Variants in SCAPER observed in about 807,000 individuals in gnomAD.
SCAPER encodes the protein S-phase cyclin A associated protein in the ER, also known as S phase cyclin A-associated protein in the endoplasmic reticulum.
A neutral mutation model predicts 182.2 loss-of-function variants in SCAPER; 98 were observed. The observed-to-expected ratio is 0.54, with a 90% CI of 0.46 to 0.64. The LOEUF (loss-of-function observed/expected upper bound fraction) is 0.64, where lower values mean the gene tolerates loss of function less well. Among genes scored for constraint, SCAPER ranks in the 30% least tolerant of loss-of-function variants. The probability of loss-of-function intolerance (pLI) is 0.00; values close to 1 mark genes in which losing one functional copy is unlikely to be tolerated. For synonymous variants in SCAPER, 605 were observed against 564.6 expected (o/e 1.07, Z -1.01); for missense variants, 1,432 against 1,690.0 (o/e 0.85, Z 2.68).
At chr15:76,764,892 C>G in intron 14 of SCAPER, 69 bp downstream of exon 14, 2 of 833,060 alleles carry the variant, frequency 2.4e-6, no homozygotes, top group Non-Finnish European at 3.7e-6. Context: ...TCTCTCAGAC[C>G]AGAAGTAGAG....
At chr15:76,738,495 G>T (rs886094816) in intron 15 of SCAPER, among the ~76,000 whole-genome samples, 2 of 149,760 alleles carry the variant, frequency 1.3e-5, no homozygotes, top group Admixed American at 1.3e-4. Context: ...CCGACATCAC[G>T]CCACTGCACT....
intron 9 of SCAPER, among the ~76,000 whole-genome samples, chr15:76,773,144 A>G (rs993682869): frequency 2.6e-5 from 4 of 151,810 alleles, no homozygotes; most frequent in Non-Finnish European, 5.9e-5. Context: ...TGTGTACACT[A>G]CTCAATCCCA....
intron 24 of SCAPER, among the ~76,000 whole-genome samples, chr15:76,477,760 C>T (rs954102413): frequency 2.0e-5 from 3 of 151,894 alleles, no homozygotes; most frequent in Non-Finnish European, 4.4e-5. Context: ...GATTTTTTCC[C>T]GTGTTTATTT....
chr15:76,589,507 C>T (rs2048946972), intron 22 of SCAPER, among the ~76,000 whole-genome samples: 1 of 152,100 alleles, frequency 6.6e-6, no homozygotes, highest in Non-Finnish European at 1.5e-5. Context: ...TCCCATGCAA[C>T]CCAAAAGGCT....
At chr15:76,366,086 T>TACACACACAC (rs59741618) in intron 29 of SCAPER, among the ~76,000 whole-genome samples, 40 of 149,540 alleles carry the variant, frequency 2.7e-4, no homozygotes, top group African/African-American at 8.2e-4. Flanking sequence ...CTTACACACT[T>TACACACACAC]ACACACACAC....
At chr15:76,486,844 T>C (rs193054126) in intron 24 of SCAPER, among the ~76,000 whole-genome samples, 1 of 152,300 alleles carries the variant, frequency 6.6e-6, no homozygotes, top group Admixed American at 6.5e-5. Flanking sequence ...CTATTGGATA[T>C]ACACTCAAAG....
intron 8 of SCAPER, among the ~76,000 whole-genome samples, chr15:76,779,411 A>G (rs1174837157): frequency 6.6e-6 from 1 of 152,214 alleles, no homozygotes; most frequent in Non-Finnish European, 1.5e-5. Flanking sequence ...AAGGAATACT[A>G]CAAACAACTT....
At chr15:76,854,252 A>T (rs1030916940) in intron 4 of SCAPER, among the ~76,000 whole-genome samples, 2 of 151,982 alleles carry the variant, frequency 1.3e-5, no homozygotes, top group Non-Finnish European at 2.9e-5. Flanking sequence ...CTGGCAATAG[A>T]GCAAGACTCC....
chr15:76,685,505 AAACT>A (rs1316357524), intron 20 of SCAPER, among the ~76,000 whole-genome samples: 14 of 152,092 alleles, frequency 9.2e-5, no homozygotes, highest in Non-Finnish European at 1.3e-4. Flanking sequence ...ATAGAGCAAC[AAACT>A]AACAGGTAAA....
At chr15:76,609,486 T>A (rs959412594) in intron 22 of SCAPER, among the ~76,000 whole-genome samples, 3 of 152,058 alleles carry the variant, frequency 2.0e-5, no homozygotes, top group Non-Finnish European at 1.5e-5. Flanking sequence ...GACCTTTGAT[T>A]AAAAGGTGTC....
chr15:76,823,422 T>C (rs1370262331), intron 5 of SCAPER, among the ~76,000 whole-genome samples: 1 of 151,680 alleles, frequency 6.6e-6, no homozygotes, highest in Non-Finnish European at 1.5e-5. Flanking sequence ...ATCACACCAC[T>C]GCACTCCAGC....
At chr15:76,603,979 G>T (rs2050130904) in intron 22 of SCAPER, among the ~76,000 whole-genome samples, 1 of 118,278 alleles carries the variant, frequency 8.5e-6, no homozygotes, top group Admixed American at 9.5e-5. Flanking sequence ...TAGGTTGCCT[G>T]TTCAGTCTGA....
chr15:76,406,434 T>C (rs1478914320), intron 26 of SCAPER, among the ~76,000 whole-genome samples: 1 of 151,908 alleles, frequency 6.6e-6, no homozygotes, highest in African/African-American at 2.4e-5. Context: ...GCCAAGATCA[T>C]GCCATTGTAC....
chr15:76,461,320 T>C (rs1289542344), intron 25 of SCAPER, among the ~76,000 whole-genome samples: 1 of 146,218 alleles, frequency 6.8e-6, no homozygotes, highest in Non-Finnish European at 1.5e-5. Context: ...GTGAAGTTAC[T>C]ATTACCCAAC....
intron 23 of SCAPER, among the ~76,000 whole-genome samples, chr15:76,505,908 C>T (rs2041534248): frequency 6.6e-6 from 1 of 152,130 alleles, no homozygotes. Flanking sequence ...GAGTACTATT[C>T]AGCCATAAAA....
intron 27 of SCAPER, among the ~76,000 whole-genome samples, chr15:76,387,555 G>A (rs1481885457): frequency 6.6e-6 from 1 of 152,232 alleles, no homozygotes; most frequent in Non-Finnish European, 1.5e-5. Context: ...TTATTCTAGT[G>A]AGTCTAGAGT....
intron 27 of SCAPER, among the ~76,000 whole-genome samples, chr15:76,392,289 G>T (rs574844117): frequency 1.3e-5 from 2 of 152,236 alleles, no homozygotes; most frequent in Middle Eastern, 3.4e-3. Flanking sequence ...AACAAAATGT[G>T]TTATAATGAA....
intron 2 of SCAPER, among the ~76,000 whole-genome samples, chr15:76,866,888 T>C (rs1055030025): frequency 1.3e-5 from 2 of 152,166 alleles, no homozygotes; most frequent in East Asian, 3.8e-4. Flanking sequence ...AAAATATGTG[T>C]ATTTTCATCC....
intron 17 of SCAPER, among the ~76,000 whole-genome samples, chr15:76,724,820 C>T (rs946196075): frequency 1.8e-4 from 27 of 152,072 alleles, no homozygotes; most frequent in African/African-American, 5.8e-4. Flanking sequence ...TCTAGTTATC[C>T]ATTCGTCTAA....
Sources: gnomAD v4.1 joint callset for allele counts (sites outside exome capture counted in the v4.1 genomes callset) on GRCh38, gnomAD v4.1.1 for gene constraint, MANE v1.5 for transcripts, NCBI Gene and HGNC (gene_info 2026-07-23, HGNC 2026-07-21) for gene names.